The following LYPLAL1 variants were observed in gnomAD, a reference collection of about 807,000 sequenced individuals.
LYPLAL1 encodes the protein lysophospholipase like 1.
Under a neutral mutation model 19.7 loss-of-function variants are expected in LYPLAL1, and 23 were observed. The observed-to-expected ratio is 1.17, with a 90% CI of 0.84 to 1.65. The LOEUF is 1.65. Among genes scored for constraint, LYPLAL1 ranks in the 40% most tolerant of loss-of-function variants. LYPLAL1 has a pLI of 0.00. For missense variants in LYPLAL1, 355 were observed against 279.4 expected (o/e 1.27, Z -1.93); for synonymous variants, 119 against 96.3 (o/e 1.24, Z -1.38).
intron 2 of LYPLAL1, among the ~76,000 whole-genome samples, chr1:219,189,299 G>A (rs1022070231): frequency 2.0e-5 from 3 of 151,622 alleles, no homozygotes; most frequent in Admixed American, 6.6e-5. Flanking sequence ...ATTCAGAAGG[G>A]TAATAGGCTC....
At position 219,193,134 on chromosome 1, in the gene LYPLAL1, A is replaced by G. The variant is rs762862739; in HGVS notation, c.244A>G (p.Lys82Glu). The change falls in exon 3 of 5, where the codon AAA becomes GAA. Residue 82 changes from lysine (K) to glutamate (E), a missense_variant. Transcript: ENST00000366928. ...GISNVWFDRF[K>E]ITNDCPEHLE... The stretch of plus-strand genomic sequence containing the variant: ...CTCCAATGTATGGTTTGACAGATTT[A>G]AAATAACCAATGACTGCCCAGAACA... 1.2e-6 allele frequency: 2 copies of G among 1,607,522 alleles called. No individual in the cohort carries two copies. Among genetic ancestry groups the G allele is most frequent in the African/African-American group, 2.7e-5 (2 of 74,424 alleles).
At chr1:219,383,656 A>G in the LYPLAL1 span, among the ~76,000 whole-genome samples, 2 of 152,216 alleles carry the variant, frequency 1.3e-5, no homozygotes, top group African/African-American at 4.8e-5. Flanking sequence ...CCCATGCATA[A>G]TATTTAATAA....
chr1:219,241,099 TCTC>T, the LYPLAL1 span, among the ~76,000 whole-genome samples: 35 of 56,054 alleles, frequency 6.2e-4, no homozygotes, highest in African/African-American at 1.9e-3. Context: ...ATATATATAA[TCTC>T]TCTCTCTCTC....
chr1:219,179,001 G>A (rs1485755686), intron 1 of LYPLAL1, 146 bp from the exon 2 acceptor site: 1 of 504,564 alleles, frequency 2.0e-6, no homozygotes, highest in African/African-American at 2.0e-5. Flanking sequence ...ATATTAGTAA[G>A]TCAGTTTCTA....
At chr1:219,215,189 G>C (rs956958272), downstream of LYPLAL1, among the ~76,000 whole-genome samples, 1 of 152,080 alleles carries the variant, frequency 6.6e-6, no homozygotes, top group South Asian at 2.1e-4. Context: ...TTGTGTCGAT[G>C]AAGTCTGTAT....
chr1:219,444,878 AT>A, the LYPLAL1 span, among the ~76,000 whole-genome samples: 5 of 151,604 alleles, frequency 3.3e-5, no homozygotes, highest in South Asian at 2.1e-4. Flanking sequence ...TACTCCCATT[AT>A]TTTTTTTTAA....
chr1:219,381,712 T>C, the LYPLAL1 span, among the ~76,000 whole-genome samples: 24 of 152,222 alleles, frequency 1.6e-4, no homozygotes, highest in Non-Finnish European at 3.2e-4. Flanking sequence ...AAGATTTATA[T>C]CTGAAATTAA....
the LYPLAL1 span, among the ~76,000 whole-genome samples, chr1:219,245,078 CCT>C: frequency 6.7e-6 from 1 of 148,498 alleles, no homozygotes; most frequent in Non-Finnish European, 1.5e-5. Context: ...TGCCTTCCTT[CCT>C]CTTTCTTCTT....
chr1:219,289,237 A>T, the LYPLAL1 span, among the ~76,000 whole-genome samples: 1 of 152,134 alleles, frequency 6.6e-6, no homozygotes, highest in Non-Finnish European at 1.5e-5. Context: ...CTTAATGCCG[A>T]AACCTGATCA....
the LYPLAL1 span, among the ~76,000 whole-genome samples, chr1:219,290,116 T>C: frequency 6.6e-6 from 1 of 152,218 alleles, no homozygotes; most frequent in African/African-American, 2.4e-5. Context: ...CTAGGTGCTC[T>C]TGCTAAGACC....
At chr1:219,217,656 T>C (rs1235174908), downstream of LYPLAL1, among the ~76,000 whole-genome samples, 1 of 152,036 alleles carries the variant, frequency 6.6e-6, no homozygotes, top group Non-Finnish European at 1.5e-5. Context: ...ATATGTGTGG[T>C]CTCTTAAAGC....
chr1:219,173,934 C>G lies in LYPLAL1; in HGVS notation c.44C>G (p.Ser15Trp), dbSNP rs781264234. The change falls in exon 1 of 5, where the codon TCG becomes TGG. Residue 15 changes from serine (S) to tryptophan (W), a missense_variant. Coordinates refer to ENST00000366928, the MANE Select transcript of LYPLAL1 (RefSeq NM_138794.5). ...SGSVLQRCIVSPAGRHSASLI... is the reference protein window; with the variant it reads ...SGSVLQRCIVWPAGRHSASLI... ...TCGGTTCTGCAGCGCTGTATCGTGT[C>G]GCCGGCAGGGAGGCATAGCGCCTCT... 5.6e-6 allele frequency: 9 copies of G among 1,613,778 alleles called. No homozygotes were observed.
At chr1:219,221,983 T>C in the LYPLAL1 span, among the ~76,000 whole-genome samples, 1 of 152,096 alleles carries the variant, frequency 6.6e-6, no homozygotes, top group Non-Finnish European at 1.5e-5. Context: ...TTTGGACATA[T>C]CCTCGCCCTA....
chr1:219,262,310 G>A, the LYPLAL1 span, among the ~76,000 whole-genome samples: 2 of 151,814 alleles, frequency 1.3e-5, no homozygotes, highest in African/African-American at 4.8e-5. Flanking sequence ...CTATCTCTTT[G>A]AGTAGTTTAA....
intron 2 of LYPLAL1, 37 bp from the exon 3 acceptor site, chr1:219,193,045 C>G: frequency 4.2e-6 from 6 of 1,445,778 alleles, no homozygotes; most frequent in Non-Finnish European, 4.6e-6. Context: ...TTCCCTTTTC[C>G]TTTCTTTTTT....
At chr1:219,215,199 T>G (rs148846620), downstream of LYPLAL1, among the ~76,000 whole-genome samples, 644 of 152,248 alleles carry the variant, frequency 4.2e-3, 7 homozygotes, top group African/African-American at 0.015. Context: ...GAAGTCTGTA[T>G]TTTACATTTG....
intron 3 of LYPLAL1, among the ~76,000 whole-genome samples, chr1:219,205,366 A>AC (rs1658483047): frequency 6.6e-6 from 1 of 150,796 alleles, no homozygotes; most frequent in Non-Finnish European, 1.5e-5. Context: ...TCCGTCTCAA[A>AC]AAAAAAAAAA....
chr1:219,326,873 A>G, the LYPLAL1 span, among the ~76,000 whole-genome samples: 3 of 152,230 alleles, frequency 2.0e-5, no homozygotes, highest in Non-Finnish European at 4.4e-5. Context: ...TGCACAGAAT[A>G]TGTAAAAGGA....
chr1:219,404,654 T>C, the LYPLAL1 span, among the ~76,000 whole-genome samples: 3 of 152,210 alleles, frequency 2.0e-5, no homozygotes, highest in Non-Finnish European at 4.4e-5. Flanking sequence ...TGTTGGTTCA[T>C]GGGTTCAAAA....
Sources: allele counts gnomAD v4.1 joint callset (sites outside exome capture counted in the v4.1 genomes callset), GRCh38; gene constraint gnomAD v4.1.1; transcripts MANE v1.5; gene names NCBI Gene and HGNC (gene_info 2026-07-23, HGNC 2026-07-21).